The following SRCAP variants were observed in gnomAD, a reference collection of about 807,000 sequenced individuals.
SRCAP encodes Snf2 related CREBBP activator protein, also known as chromatin remodeling protein SRCAP.
SRCAP carries 46 observed loss-of-function variants against 263.1 expected under a neutral mutation model. The observed-to-expected ratio is 0.17, with a 90% confidence interval of 0.14 to 0.22. SRCAP has a LOEUF of 0.22. SRCAP is among the 10% of genes least tolerant of loss of function. The pLI, the probability that SRCAP is intolerant of heterozygous loss-of-function variation, is 1.00. For missense variants in SRCAP, 3,695 were observed against 4,181.9 expected (o/e 0.88, Z 3.21); for synonymous variants, 1,813 against 1,662.1 (o/e 1.09, Z -2.21).
rs772860042 is a variant in SRCAP at position 30,704,325 on chromosome 16, A to G, written c.306+10A>G. 6.3e-7 allele frequency: 1 copy of G among 1,581,150 alleles called. No individual in the cohort carries two copies. The highest frequency in any genetic ancestry group is 8.6e-7 in the Non-Finnish European group (1 of 1,158,924). ...AGAACAGGCCAAGCATGTACGTATT[A>G]GAAAGGCTTATGAAGATTCTTGGGA... On this transcript the variant is annotated intron_variant, in intron 4 of 33. Coordinates refer to ENST00000262518, the MANE Select transcript of SRCAP (RefSeq NM_006662.3).
Position 30,721,357 on chromosome 16 carries a change from C to G in SRCAP, c.3422C>G (p.Pro1141Arg). The G allele has an allele frequency of 6.2e-7, 1 of 1,614,142 alleles. No individual in the cohort carries two copies. Among genetic ancestry groups the G allele is most frequent in the Non-Finnish European group, 8.5e-7 (1 of 1,180,042 alleles). The part of the protein sequence containing the change: ...LTVPPGYTFP[P>R]AAATTTSTTT... ...GTGCCACCAGGCTACACCTTCCCTC[C>G]TGCTGCTGCCACCACCACTTCTACC... is the stretch of plus-strand genomic sequence containing the variant. Residue 1141 changes from proline (P) to arginine (R), a missense_variant, in exon 21 of 34, where the codon CCT becomes CGT. Physicochemically the swap from Pro to Arg is moderately radical, Grantham distance 103 (BLOSUM62 -2). Around this residue, in one of 12 missense-constraint regions of SRCAP, gnomAD observed 1,347 missense variants for 1,304.4 expected, o/e 1.03. Coordinates refer to ENST00000262518, the MANE Select transcript of SRCAP (RefSeq NM_006662.3).
At chr16:30,699,644 G>A (rs1318622923) in intron 1 of SRCAP, among the ~76,000 whole-genome samples, 1 of 151,906 alleles carries the variant, frequency 6.6e-6, no homozygotes, top group Non-Finnish European at 1.5e-5. Flanking sequence ...TTTTTTTGCT[G>A]TATTTTTTTT....
In SRCAP at chr16:30,728,877, A is replaced by C. The variant is rs898594954; in HGVS notation, c.5659-89A>C. The C allele has an allele frequency of 4.2e-6, 6 of 1,438,654 alleles. No individual in the cohort carries two copies. In the African/African-American group the frequency reaches 8.5e-5, roughly 20 times the overall value. The allele number at this position is 1,438,654 out of a possible 1,614,324, so 89.1% of individuals were successfully genotyped here. A position where few individuals can be genotyped will look rare whatever the true frequency, so the allele number is the denominator to read the frequency against. On this transcript the variant is annotated intron_variant, in intron 25 of 33. Transcript: ENST00000262518. ...TGTATTTTTGGATCCCATGGTTTCT[A>C]TATATTTATTTCCATCTGGGAAGAA...
chr16:30,736,486 G>A (rs954812545), intron 32 of SRCAP, 55 bp from the exon 33 acceptor site: 2 of 1,612,254 alleles, frequency 1.2e-6, no homozygotes, highest in Middle Eastern at 1.6e-4. Context: ...AAATAAGGGT[G>A]GTGGGGCCCT....
chr16:30,738,393 A>G lies in SRCAP; in HGVS notation c.8353A>G (p.Ser2785Gly). Residue 2785 changes from serine to glycine, a missense_variant, in exon 34 of 34, where the codon AGT becomes GGT. This residue lies in a region of SRCAP where 1,207 missense variants were observed against 1,142.9 expected (regional missense o/e 1.06). Transcript: ENST00000262518. ...STLVPGVSET[S>G]ASPGSPSVRS... is the part of the protein sequence containing the mutation. The stretch of plus-strand genomic sequence containing the variant: ...CCTAGTGCCTGGGGTCTCTGAGACT[A>G]GTGCCAGCCCGGGAAGCCCGTCTGT... The G allele has an allele frequency of 6.5e-7, 1 of 1,548,766 alleles. No individual in the cohort carries two copies. Among genetic ancestry groups the G allele is most frequent in the South Asian group, 1.2e-5 (1 of 80,144 alleles).
At chr16:30,732,940 G>A (rs1384958584) in intron 27 of SRCAP, among the ~76,000 whole-genome samples, 1 of 152,122 alleles carries the variant, frequency 6.6e-6, no homozygotes, top group Non-Finnish European at 1.5e-5. Flanking sequence ...TCAAGCCCGA[G>A]TTCTCATGCC....
Position 30,740,022 on chromosome 16 carries a change from G to GC in SRCAP, c.*295dup, listed in dbSNP as rs1486708879. ...TGATTCCCCAGCTGTCTTTCACACA[G>GC]CCCCCCACCCTTAGGGGAAGGGGGA... On this transcript the variant is annotated 3_prime_UTR_variant, in exon 34 of 34. Coordinates refer to ENST00000262518, the MANE Select transcript of SRCAP (RefSeq NM_006662.3). 6.6e-6 allele frequency: 2 copies of GC among 301,818 alleles called. No individual in the cohort carries two copies. Among genetic ancestry groups the GC allele is most frequent in the South Asian group, 1.5e-4 (1 of 6,506 alleles). The allele number at this position is 301,818 out of a possible 1,614,324, so 18.7% of individuals were successfully genotyped here.
intron 13 of SRCAP, 71 bp downstream of exon 13, chr16:30,712,510 C>T: frequency 1.3e-6 from 2 of 1,520,678 alleles, no homozygotes; most frequent in Non-Finnish European, 1.8e-6. Context: ...GTGATGACTC[C>T]AGCTTCATTG....
intron 2 of SRCAP, 99 bp from the exon 3 acceptor site, chr16:30,700,517 T>C (rs2052754371): frequency 3.7e-6 from 1 of 267,746 alleles, no homozygotes; most frequent in African/African-American, 2.2e-5. Context: ...AATTTCTGTG[T>C]TTCTCTTTAT....
At position 30,723,987 on chromosome 16, in the gene SRCAP, T is replaced by C. The variant is rs138541811; in HGVS notation, c.4563T>C (p.Pro1521=). The C allele has an allele frequency of 1.9e-6, 3 of 1,614,136 alleles. No homozygotes were observed. The highest frequency in any genetic ancestry group is 3.3e-5 in the Admixed American group (2 of 60,018). Residue 1521 remains proline, a synonymous_variant, in exon 25 of 34, where the codon CCT becomes CCC. Transcript: ENST00000262518. ...TAPSLSSSQT[P]GHPLLLAPTS... ...CATCCCTGTCTTCATCTCAGACACC[T>C]GGTCACCCTCTGTTGTTGGCTCCCA...
rs1414626273 is a variant in SRCAP, at chr16:30,711,063, G to A, written c.1293G>A (p.Met431Ile). ...TGGAAGGGGAGGTGGATCATGCCAT[G>A]GAGCTGAGCGAGTTGGCTCGAGAAG... ...EQLEGEVDHAMELSELAREGE... is the reference protein window; with the variant it reads ...EQLEGEVDHAIELSELAREGE... Residue 431 changes from methionine to isoleucine, a missense_variant, in exon 10 of 34, where the codon ATG becomes ATA. Physicochemically the swap from Met to Ile is conservative, Grantham distance 10 (BLOSUM62 1). Transcript: ENST00000262518. 1 of 1,613,920 alleles carries A rather than the reference G, an allele frequency of 6.2e-7. No individual in the cohort carries two copies. Among genetic ancestry groups the A allele is most frequent in the Admixed American group, 1.7e-5 (1 of 59,992 alleles).
intron 27 of SRCAP, among the ~76,000 whole-genome samples, chr16:30,730,191 A>C (rs1167211073): frequency 6.6e-6 from 1 of 152,236 alleles, no homozygotes; most frequent in Non-Finnish European, 1.5e-5. Context: ...AGTGCAGCAT[A>C]GAGTTTTTAT....
chr16:30,733,239 G>A lies in SRCAP; in HGVS notation c.6128-41G>A, dbSNP rs192629622. 1.6e-5 allele frequency: 25 copies of A among 1,601,740 alleles called. 1 individual carries two copies. In the South Asian group the frequency reaches 2.0e-4, roughly 13 times the overall value. On this transcript the variant is annotated intron_variant, in intron 27 of 33. Transcript: ENST00000262518. The surrounding 1 kb of genome is among the most constrained non-coding windows in gnomAD (Gnocchi z 5.3). ...CATTGCTAAGCATTCTACCCATTGC[G>A]GCTTGTAGCTAGCTCCCTGTATCCC...
Position 30,738,409 on chromosome 16 carries a change from G to T in SRCAP, c.8369G>T (p.Ser2790Ile), listed in dbSNP as rs2151300721. 6.5e-7 allele frequency: 1 copy of T among 1,546,924 alleles called. No individual in the cohort carries two copies. The highest frequency in any genetic ancestry group is 8.7e-7 in the Non-Finnish European group (1 of 1,147,438). ...GVSETSASPG[S>I]PSVRSMSGPE... is the part of the protein sequence containing the mutation. ...TCTGAGACTAGTGCCAGCCCGGGAA[G>T]CCCGTCTGTCCGCAGCATGTCAGGG... The change falls in exon 34 of 34, where the codon AGC becomes ATC. Residue 2790 changes from serine to isoleucine, a missense_variant. Ser to Ile is a moderately radical substitution (Grantham distance 142). Around this residue, in one of 12 missense-constraint regions of SRCAP, gnomAD observed 1,207 missense variants for 1,142.9 expected, o/e 1.06. Coordinates refer to ENST00000262518, the MANE Select transcript of SRCAP (RefSeq NM_006662.3).
Position 30,729,500 on chromosome 16 carries a change from C to A in SRCAP, c.6055C>A (p.Arg2019Ser). ...QLASELWPRA[R>S]PLHRIVCNMR... is the part of the protein sequence containing the mutation. ...GGCCTCTGAGCTCTGGCCCCGGGCT[C>A]GTCCTTTGCACCGTATTGTGTGTAA... The change falls in exon 27 of 34, where the codon CGT becomes AGT. Residue 2019 changes from arginine to serine, a missense_variant. Arg to Ser is a moderately radical substitution (Grantham distance 110). Around this residue, in one of 12 missense-constraint regions of SRCAP, gnomAD observed 1,347 missense variants for 1,304.4 expected, o/e 1.03. Transcript: ENST00000262518. The A allele has an allele frequency of 1.2e-6, 2 of 1,614,180 alleles. No homozygotes were observed. The highest frequency in any genetic ancestry group is 8.5e-7 in the Non-Finnish European group (1 of 1,180,032).
Position 30,711,081 on chromosome 16 carries a change from T to C in SRCAP, c.1311T>C (p.Ala437=). 6.2e-7 allele frequency: 1 copy of C among 1,612,844 alleles called. No homozygotes were observed. The highest frequency in any genetic ancestry group is 8.5e-7 in the Non-Finnish European group (1 of 1,179,294). ...ATGCCATGGAGCTGAGCGAGTTGGC[T>C]CGAGAAGGTGACATTTACCAGACAT... ...VDHAMELSEL[A]REGELSMEEL... is the part of the protein sequence containing the mutation. Residue 437 remains alanine (A), a synonymous_variant, in exon 10 of 34, where the codon GCT becomes GCC. Transcript: ENST00000262518.
chr16:30,721,608 A>G, intron 21 of SRCAP, 132 bp downstream of exon 21: 1 of 1,274,154 alleles, frequency 7.8e-7, no homozygotes, highest in South Asian at 1.5e-5. Context: ...TTGGGAGGCC[A>G]AGGTGGGAGG....
intron 16 of SRCAP, among the ~76,000 whole-genome samples, chr16:30,714,127 C>T (rs556855942): frequency 3.4e-5 from 5 of 148,094 alleles, no homozygotes; most frequent in South Asian, 2.2e-4. Context: ...TGCAGTGGCG[C>T]GGTCTTGGCT....
intron 3 of SRCAP, 86 bp downstream of exon 3, chr16:30,700,964 T>C (rs2052759063): frequency 2.8e-6 from 4 of 1,451,070 alleles, no homozygotes; most frequent in Non-Finnish European, 3.9e-6. Flanking sequence ...GGGGAATATT[T>C]GTGGAGAGTT....
Sources: allele counts gnomAD v4.1 joint callset (sites outside exome capture counted in the v4.1 genomes callset), GRCh38; gene constraint gnomAD v4.1.1; regional missense constraint gnomAD v4.1.1; non-coding constraint Gnocchi (gnomAD v3.1); transcripts MANE v1.5; gene names NCBI Gene and HGNC (gene_info 2026-07-23, HGNC 2026-07-21).